Variants in NFIB observed in about 807,000 individuals in gnomAD.
The protein encoded by NFIB is nuclear factor 1 B-type.
Under a neutral mutation model 61.5 loss-of-function variants are expected in NFIB, and 11 were observed. The observed-to-expected ratio is 0.18, with a 90% CI of 0.11 to 0.30. NFIB has a LOEUF of 0.30. Ranked by LOEUF, NFIB falls within the 10% of genes least tolerant of loss-of-function variation. The pLI, the probability that NFIB is intolerant of heterozygous loss-of-function variation, is 1.00. For missense variants in NFIB, 471 were observed against 608.9 expected, an observed-to-expected ratio of 0.77 and a Z score of 2.38; for synonymous variants, 260 against 216.5, an observed-to-expected ratio of 1.20 and a Z score of -1.76.
intron 2 of NFIB, among the ~76,000 whole-genome samples, chr9:14,287,130 A>G (rs989873830): frequency 1.3e-5 from 2 of 151,944 alleles, no homozygotes; most frequent in South Asian, 2.1e-4. Flanking sequence ...ATTGAAAGCT[A>G]CTTTAAAAGA....
At chr9:14,461,713 T>C in the NFIB span, among the ~76,000 whole-genome samples, 1 of 152,192 alleles carries the variant, frequency 6.6e-6, no homozygotes. Context: ...ATTCCATCTA[T>C]TCAGCTTATT....
chr9:14,087,580 CTTTTTTTTTCA>C lies in NFIB; in HGVS notation c.*718_*728del, dbSNP rs1439174176. On this transcript the variant is annotated 3_prime_UTR_variant, in exon 11 of 11. Transcript: ENST00000380953. Reference sequence around the variant, plus strand: ...GTTTTTTTCCTTTTTTCTTTTTTTCCTTTTTTTTTCATTTTTTCTTTTTTTAAGATTTCAAA... The same window carrying C: ...GTTTTTTTCCTTTTTTCTTTTTTTCCTTTTTTCTTTTTTTAAGATTTCAAA... 1 of 220,618 alleles carries C rather than the reference CTTTTTTTTTCA, an allele frequency of 4.5e-6. No individual in the cohort carries two copies. The highest frequency in any genetic ancestry group is 9.0e-6 in the Non-Finnish European group (1 of 111,116). The allele number at this position is 220,618 out of a possible 1,614,324, so 13.7% of individuals were successfully genotyped here. A position where few individuals can be genotyped will look rare whatever the true frequency, so the allele number is the denominator to read the frequency against.
At chr9:14,495,587 A>G in the NFIB span, among the ~76,000 whole-genome samples, 1 of 151,982 alleles carries the variant, frequency 6.6e-6, no homozygotes, top group African/African-American at 2.4e-5. Context: ...CAATCATTTC[A>G]AGCATCAGCT....
chr9:14,231,133 A>ATAT (rs1392498228), intron 2 of NFIB, among the ~76,000 whole-genome samples: 979 of 66,642 alleles, frequency 0.015, 3 homozygotes, highest in African/African-American at 0.03. Flanking sequence ...AAAAAAAAAA[A>ATAT]AAATATATAT....
intron 2 of NFIB, among the ~76,000 whole-genome samples, chr9:14,224,421 G>A (rs778160853): frequency 3.9e-5 from 6 of 152,176 alleles, no homozygotes; most frequent in Non-Finnish European, 8.8e-5. Flanking sequence ...GATCACAGTT[G>A]GATGTTCTGC....
At chr9:14,094,890 A>C (rs2034535310) in intron 10 of NFIB, among the ~76,000 whole-genome samples, 1 of 152,120 alleles carries the variant, frequency 6.6e-6, no homozygotes. Flanking sequence ...TTGATTCAGA[A>C]GTTTTTTGTT....
chr9:14,306,675 G>C (rs2060034887), intron 2 of NFIB, among the ~76,000 whole-genome samples: 1 of 152,122 alleles, frequency 6.6e-6, no homozygotes, highest in South Asian at 2.1e-4. Context: ...AGAAAGTATA[G>C]TGTAATGAAC....
intron 10 of NFIB, among the ~76,000 whole-genome samples, chr9:14,098,990 T>C (rs888801593): frequency 5.9e-5 from 9 of 152,210 alleles, no homozygotes; most frequent in East Asian, 3.9e-4. Flanking sequence ...GCTTTGATTA[T>C]ACTTGCACAG....
chr9:14,383,803 A>G (rs1389704833), intron 1 of NFIB, among the ~76,000 whole-genome samples: 3 of 152,232 alleles, frequency 2.0e-5, no homozygotes, highest in Non-Finnish European at 4.4e-5. Context: ...ATATCGCCAT[A>G]TCTAAAGGGG....
chr9:14,282,654 C>A (rs921074613), intron 2 of NFIB, among the ~76,000 whole-genome samples: 4 of 152,160 alleles, frequency 2.6e-5, no homozygotes, highest in African/African-American at 7.2e-5. Flanking sequence ...ATTTGGTCTT[C>A]TTAACAATCT....
At position 14,306,003 on chromosome 9, in the gene NFIB, G is replaced by A. The variant is rs2059997166; in HGVS notation, c.562+986C>T. On this transcript the variant is annotated intron_variant, in intron 2 of 10. Coordinates refer to ENST00000380953, the MANE Select transcript of NFIB (RefSeq NM_001190737.2). Reference sequence around the variant, plus strand: ...CTATATCTTGATGCATTTATTTGAAGAAAAGAAATTCTTACCTACTTAAGG... The same window carrying A: ...CTATATCTTGATGCATTTATTTGAAAAAAAGAAATTCTTACCTACTTAAGG... 3.1e-6 allele frequency: 4 copies of A among 1,278,970 alleles called. No individual in the cohort carries two copies. The South Asian group carries it at 5.5e-5, about 18-fold the overall frequency. 79.2% of individuals were successfully genotyped at this position (1,278,970 alleles called of 1,614,324 possible).
chr9:14,525,990 A>T, the NFIB span, among the ~76,000 whole-genome samples: 1,007 of 152,188 alleles, frequency 6.6e-3, 13 homozygotes, highest in African/African-American at 0.023. Context: ...CGCCGACTCC[A>T]TCTCATTCAT....
At chr9:14,488,917 G>A in the NFIB span, among the ~76,000 whole-genome samples, 1 of 152,204 alleles carries the variant, frequency 6.6e-6, no homozygotes, top group Non-Finnish European at 1.5e-5. Flanking sequence ...TGGAAAGTTT[G>A]AGAAGCTTTG....
chr9:14,352,282 T>TTG (rs1045742898), intron 1 of NFIB, among the ~76,000 whole-genome samples: 1 of 151,908 alleles, frequency 6.6e-6, no homozygotes, highest in Non-Finnish European at 1.5e-5. Context: ...GGTGATGTAT[T>TTG]TGTATATATA....
At chr9:14,420,445 CAAAAA>C in the NFIB span, among the ~76,000 whole-genome samples, 5,180 of 42,104 alleles carry the variant, frequency 0.12, 100 homozygotes, top group East Asian at 0.16. Flanking sequence ...GACTCCGTCT[CAAAAA>C]AAAAAAAAAA....
At chr9:14,255,199 G>T (rs1334035242) in intron 2 of NFIB, among the ~76,000 whole-genome samples, 2 of 152,052 alleles carry the variant, frequency 1.3e-5, no homozygotes, top group East Asian at 3.9e-4. Context: ...CTCCAACAAG[G>T]ATGACAAAGT....
intron 2 of NFIB, among the ~76,000 whole-genome samples, chr9:14,186,558 A>G (rs1294248628): frequency 6.6e-6 from 1 of 152,222 alleles, no homozygotes; most frequent in African/African-American, 2.4e-5. Context: ...GTAGGGAAAT[A>G]AAAAGGTAAA....
intron 7 of NFIB, 95 bp downstream of exon 7, chr9:14,125,536 GC>G: frequency 6.7e-7 from 1 of 1,484,572 alleles, no homozygotes; most frequent in South Asian, 1.3e-5. Flanking sequence ...AAATATGGTT[GC>G]CATAGCTCTA....
intron 2 of NFIB, among the ~76,000 whole-genome samples, chr9:14,219,380 G>GGAAA (rs1563914477): frequency 1.0e-4 from 1 of 9,744 alleles, no homozygotes; most frequent in Admixed American, 9.1e-4. Context: ...TAGCACTAGG[G>GGAAA]TAAAAAAAAA....
Sources: allele counts gnomAD v4.1 joint callset (sites outside exome capture counted in the v4.1 genomes callset), GRCh38; gene constraint gnomAD v4.1.1; transcripts MANE v1.5; gene names NCBI Gene and HGNC (gene_info 2026-07-23, HGNC 2026-07-21).